PKD1: variants seen among roughly 807,000 people sequenced by gnomAD.
The protein encoded by PKD1 is polycystin 1, transient receptor potential channel interacting, also known as polycystin-1.
In PKD1, 81 loss-of-function variants were observed where a neutral mutation model predicts 361.7. The observed-to-expected ratio is 0.22, with a 90% CI of 0.19 to 0.27. The LOEUF is 0.27. Ranked by LOEUF, PKD1 falls within the 10% of genes least tolerant of loss-of-function variation. The pLI is 1.00. For synonymous variants in PKD1, 3,615 were observed against 2,818.3 expected (o/e 1.28, Z -8.95); for missense variants, 6,399 against 6,118.3 (o/e 1.05, Z -1.53).
At chr16:2,102,691 G>A in intron 24 of PKD1, 58 bp from the exon 25 acceptor site, 1 of 1,609,532 alleles carries the variant, frequency 6.2e-7, no homozygotes, top group East Asian at 2.2e-5. Flanking sequence ...GGATGTCGCA[G>A]TCTCAGAGCC....
rs1466364399 is a variant in PKD1, at chr16:2,123,685, G to A, written c.216-4307C>T. ...GGGACACAGCAGGGCCCAGGCATCT[G>A]GCAGCAGGACCACCGAGCGGCCCTA... On this transcript the variant is annotated intron_variant, in intron 1 of 45. Transcript: ENST00000262304. Among the ~76,000 whole-genome samples, 3 of 152,096 alleles carry A rather than the reference G, an allele frequency of 2.0e-5. No homozygotes were observed. The East Asian group carries it at 5.8e-4, about 29-fold the overall frequency.
chr16:2,125,571 G>C (rs967719209), intron 1 of PKD1, among the ~76,000 whole-genome samples: 1 of 152,224 alleles, frequency 6.6e-6, no homozygotes, highest in Non-Finnish European at 1.5e-5. Flanking sequence ...CTCGGAGGCT[G>C]AACGAGGGAG....
rs904965981 is a variant in PKD1 at position 2,135,193 on chromosome 16, T to G, written c.215+282A>C. 4.0e-5 allele frequency: 39 copies of G among 980,134 alleles called. No individual in the cohort carries two copies. In the African/African-American group the frequency reaches 5.9e-4, roughly 15 times the overall value. The allele number at this position is 980,134 out of a possible 1,614,324, so 60.7% of individuals were successfully genotyped here. A position where few individuals can be genotyped will look rare whatever the true frequency, so the allele number is the denominator to read the frequency against. On this transcript the variant is annotated intron_variant, in intron 1 of 45. Coordinates refer to ENST00000262304, the MANE Select transcript of PKD1 (RefSeq NM_001009944.3). ...CAATTCCTCTCCAATTAGCGACTGT[T>G]TGTCCTCCCAGCTGAGCGCGGCCTC... is the stretch of plus-strand genomic sequence containing the variant.
At position 2,090,935 on chromosome 16, in the gene PKD1, G is replaced by T; in HGVS notation, c.11952C>A (p.Ser3984Arg). 1 of 1,573,684 alleles carries T rather than the reference G, an allele frequency of 6.4e-7. No individual in the cohort carries two copies. The change falls in exon 43 of 46, where the codon AGC becomes AGA. Residue 3984 changes from serine (S) to arginine (R), a missense_variant. By Grantham distance (110) the Ser-to-Arg change is moderately radical (BLOSUM62 -1). Coordinates refer to ENST00000262304, the MANE Select transcript of PKD1 (RefSeq NM_001009944.3). ...AGGCCGCCAGGCCACGGGCTGCGGA[G>T]CTCAGCTGCGCCACCTGGTCGAAGC... ...FTSFDQVAQL[S>R]SAARGLAASL...
rs1466152069 is a variant in PKD1, at chr16:2,105,481, C to T, written c.7864-7G>A. Reference sequence around the variant, plus strand: ...CGTCCAGGGCCCGCTCGTACTGGGGCAGGCAGGGGGCACAGCAAGCTGTCA... The same window carrying T: ...CGTCCAGGGCCCGCTCGTACTGGGGTAGGCAGGGGGCACAGCAAGCTGTCA... On this transcript the variant is annotated splice_region_variant and splice_polypyrimidine_tract_variant and intron_variant, in intron 20 of 45. Transcript: ENST00000262304. The T allele has an allele frequency of 2.5e-6, 4 of 1,595,124 alleles. No homozygotes were observed. The highest frequency in any genetic ancestry group is 3.4e-6 in the Non-Finnish European group (4 of 1,179,110).
Position 2,090,499 on chromosome 16 carries a change from G to A in PKD1, c.12230C>T (p.Ala4077Val), listed in dbSNP as rs779478596. 5 of 1,611,456 alleles carry A rather than the reference G, an allele frequency of 3.1e-6. No individual in the cohort carries two copies. Among genetic ancestry groups the A allele is most frequent in the South Asian group, 1.1e-5 (1 of 91,000 alleles). The change falls in exon 45 of 46, where the codon GCC becomes GTC. Residue 4077 changes from alanine (A) to valine (V), a missense_variant. Transcript: ENST00000262304. ...CAGGGGTGACAGGTGCCAGGACTCG[G>A]CAGGACACAGGGTAGAGAGCCCAGT... ...PGTGLSTLCP[A>V]ESWHLSPLLC...
intron 1 of PKD1, among the ~76,000 whole-genome samples, chr16:2,124,799 G>A (rs1485631662): frequency 6.6e-6 from 1 of 152,252 alleles, no homozygotes; most frequent in Non-Finnish European, 1.5e-5. Flanking sequence ...CTGGGCTGGG[G>A]GGACCGGCTC....
At position 2,115,742 on chromosome 16, in the gene PKD1, G is replaced by A. The variant is rs1418687007; in HGVS notation, c.1850-117C>T. 191 of 1,086,698 alleles carry A rather than the reference G, an allele frequency of 1.8e-4. 1 individual carries two copies. The highest frequency in any genetic ancestry group is 7.3e-5 in the Non-Finnish European group (55 of 753,844). The allele number at this position is 1,086,698 out of a possible 1,614,324, so 67.3% of individuals were successfully genotyped here. On this transcript the variant is annotated intron_variant, in intron 9 of 45. Transcript: ENST00000262304. ...TGTGAGGACAGGTCTCCCCACCTGG[G>A]CAGCACTCCCAGCCCAGTGCTGCGT...
chr16:2,131,202 G>A (rs1289786091), intron 1 of PKD1, among the ~76,000 whole-genome samples: 2 of 152,150 alleles, frequency 1.3e-5, no homozygotes, highest in Non-Finnish European at 2.9e-5. Context: ...GAGAGGAAGG[G>A]AAGCTCCTAG....
Position 2,103,764 on chromosome 16 carries a change from G to C in PKD1, c.8293C>G (p.Arg2765Gly), listed in dbSNP as rs144979397. The change falls in exon 23 of 46, where the codon CGC (arginine) becomes GGC (glycine). Residue 2765 changes from arginine (R) to glycine (G), a missense_variant. By Grantham distance (125) the Arg-to-Gly change is moderately radical (BLOSUM62 -2). Transcript: ENST00000262304. ...LTSALMRILM[R>G]SRVLNEEPLT... The stretch of plus-strand genomic sequence containing the variant: ...GGCTCCTCGTTGAGCACGCGGGAGC[G>C]CATGAGGATGCGCATGAGGGCAGAG... The C allele has an allele frequency of 1.1e-5, 17 of 1,609,858 alleles. No individual in the cohort carries two copies. The highest frequency in any genetic ancestry group is 2.2e-5 in the East Asian group (1 of 44,714).
In PKD1 at chr16:2,110,397, G is replaced by T. The variant is rs1464736164; in HGVS notation, c.4770C>A (p.Pro1590=). ...YSWVLCDRCT[P]IPGGPTISYT... is the part of the protein sequence containing the mutation. ...AAGAGATGGTAGGACCCCCAGGGATGGGCGTGCAGCGGTCACAGAGCACCC... is the reference window on the plus strand; with the variant it reads ...AAGAGATGGTAGGACCCCCAGGGATTGGCGTGCAGCGGTCACAGAGCACCC... The change falls in exon 15 of 46, where the codon CCC becomes CCA. Residue 1590 remains proline, a synonymous_variant. Coordinates refer to ENST00000262304, the MANE Select transcript of PKD1 (RefSeq NM_001009944.3). The T allele has an allele frequency of 6.2e-7, 1 of 1,612,644 alleles. No homozygotes were observed. The highest frequency in any genetic ancestry group is 8.5e-7 in the Non-Finnish European group (1 of 1,179,842).
In PKD1 at chr16:2,089,508, T is replaced by C; in HGVS notation, c.*219A>G. 1 of 604,480 alleles carries C rather than the reference T, an allele frequency of 1.7e-6. No homozygotes were observed. The highest frequency in any genetic ancestry group is 2.8e-5 in the Admixed American group (1 of 35,246). 37.4% of individuals were successfully genotyped at this position (604,480 alleles called of 1,614,324 possible). A position where few individuals can be genotyped will look rare whatever the true frequency, so the allele number is the denominator to read the frequency against. ...GGCTAGAAACCGTCCAATACTGCTG[T>C]GTCCTTCCCAAGGGAGCTGGGGAGG... On this transcript the variant is annotated 3_prime_UTR_variant, in exon 46 of 46. Coordinates refer to ENST00000262304, the MANE Select transcript of PKD1 (RefSeq NM_001009944.3).
Position 2,102,445 on chromosome 16 carries a change from C to G in PKD1, c.9137G>C (p.Arg3046Pro), listed in dbSNP as rs956625691. 6.4e-6 allele frequency: 10 copies of G among 1,551,696 alleles called. No homozygotes were observed. Among genetic ancestry groups the G allele is most frequent in the Non-Finnish European group, 7.8e-6 (9 of 1,149,188 alleles). Reference protein sequence around the residue: ...TSPRQAVCLTRHLTAFGASLF... With the variant: ...TSPRQAVCLTPHLTAFGASLF... The stretch of plus-strand genomic sequence containing the variant: ...GCTGGCGCCGAAGGCGGTGAGGTGG[C>G]GGGTGAGGCAGACGGCCTGGCGGGG... Residue 3046 changes from arginine (R) to proline (P), a missense_variant, in exon 25 of 46, where the codon CGC (arginine) becomes CCC (proline). Coordinates refer to ENST00000262304, the MANE Select transcript of PKD1 (RefSeq NM_001009944.3).
rs56279647 is a variant in PKD1, at chr16:2,088,881, GCACACA to G, written c.*840_*845del. ...ACAGCACACTCGCGCGTGCGCGCGC[GCACACA>G]CACACACACACAGTCACCTTCCTCC... is the stretch of plus-strand genomic sequence containing the variant. On this transcript the variant is annotated 3_prime_UTR_variant, in exon 46 of 46. Transcript: ENST00000262304. 33,541 of 421,114 alleles carry G rather than the reference GCACACA, an allele frequency of 0.08. 1,639 individuals are homozygous for G. The highest frequency in any genetic ancestry group is 0.1 in the Non-Finnish European group (23,633 of 230,600). The allele number at this position is 421,114 out of a possible 1,614,324, so 26.1% of individuals were successfully genotyped here.
Position 2,110,709 on chromosome 16 carries a change from C to T in PKD1, c.4458G>A (p.Leu1486=), listed in dbSNP as rs1567200051. The part of the protein sequence containing the change: ...SLGLELQQPY[L]FSAVGRGRPA... Reference sequence around the variant, plus strand: ...GGCGCCCACGGCCCACAGCAGAGAACAGGTACGGCTGCTGCAGCTCCAGCC... The same window carrying T: ...GGCGCCCACGGCCCACAGCAGAGAATAGGTACGGCTGCTGCAGCTCCAGCC... The change falls in exon 15 of 46, where the codon CTG becomes CTA. Residue 1486 remains leucine (L), a synonymous_variant. Transcript: ENST00000262304. The T allele has an allele frequency of 6.2e-7, 1 of 1,610,566 alleles. No homozygotes were observed. The highest frequency in any genetic ancestry group is 8.5e-7 in the Non-Finnish European group (1 of 1,179,700).
chr16:2,091,059 G>C lies in PKD1; in HGVS notation c.11828C>G (p.Ala3943Gly). 1 of 1,518,174 alleles carries C rather than the reference G, an allele frequency of 6.6e-7. No homozygotes were observed. Among genetic ancestry groups the C allele is most frequent in the Non-Finnish European group, 8.8e-7 (1 of 1,138,556 alleles). The allele number at this position is 1,518,174 out of a possible 1,614,324, so 94.0% of individuals were successfully genotyped here. Residue 3943 changes from alanine (A) to glycine (G), a missense_variant, in exon 43 of 46, where the codon GCG becomes GGG. Coordinates refer to ENST00000262304, the MANE Select transcript of PKD1 (RefSeq NM_001009944.3). The part of the protein sequence containing the change: ...LGAWARWLLV[A>G]LTAATALVRL... ...TACCAGTGCCGTGGCCGCCGTCAGC[G>C]CCACCAGCAGCCACCGCGCCCAGGC...
intron 16 of PKD1, chr16:2,107,529 AG>A (rs1349418368): frequency 1.7e-5 from 7 of 411,186 alleles, no homozygotes; most frequent in Non-Finnish European, 1.8e-5. Context: ...TGGCCGGTCC[AG>A]AGAGGGGAGC....
chr16:2,099,840 C>T lies in PKD1; in HGVS notation c.9923+21G>A. On this transcript the variant is annotated intron_variant, in intron 29 of 45. Transcript: ENST00000262304. ...GAAGGGCTGGGCAGGAAGAGGCTGC[C>T]CCGACCCCTACGGCACCCACCTGTA... The T allele has an allele frequency of 1.9e-6, 3 of 1,561,682 alleles. No homozygotes were observed. In the East Asian group the frequency reaches 7.1e-5, roughly 37 times the overall value.
In PKD1 at chr16:2,130,622, C is replaced by T. The variant is rs574425485; in HGVS notation, c.215+4853G>A. ...CAGAAATGGGAGCCAGGGGCCCCTC[C>T]GTGGCCTGGCCAGCCCCCCAAGGAA... On this transcript the variant is annotated intron_variant, in intron 1 of 45. Transcript: ENST00000262304. Among the ~76,000 whole-genome samples the T allele has an allele frequency of 2.7e-3, 405 of 152,310 alleles. 2 individuals carry two copies. Among genetic ancestry groups the T allele is most frequent in the African/African-American group, 9.1e-3 (379 of 41,570 alleles).
Sources: gnomAD v4.1 joint callset for allele counts (sites outside exome capture counted in the v4.1 genomes callset) on GRCh38, gnomAD v4.1.1 for gene constraint, MANE v1.5 for transcripts, NCBI Gene and HGNC (gene_info 2026-07-23, HGNC 2026-07-21) for gene names.